The following SPINK13 variants were observed in gnomAD, a reference collection of about 807,000 sequenced individuals.
The protein encoded by SPINK13 is serine protease inhibitor Kazal-type 13.
In SPINK13, 11 loss-of-function variants were observed where a neutral mutation model predicts 11.0. That is an observed-to-expected ratio of 1.00 (90% CI 0.63 to 1.65). The LOEUF is 1.65. SPINK13 is among the 40% of genes most tolerant of loss of function. The pLI is 0.00. For missense variants in SPINK13, 113 were observed against 117.7 expected (o/e 0.96, Z 0.19); for synonymous variants, 31 against 35.6 (o/e 0.87, Z 0.46).
At chr5:148,279,795 T>C (rs1238676815) in intron 3 of SPINK13, among the ~76,000 whole-genome samples, 1 of 152,178 alleles carries the variant, frequency 6.6e-6, no homozygotes, top group Admixed American at 6.5e-5. Flanking sequence ...TTTGTGGTGT[T>C]CTCTGTTTAT....
intron 2 of SPINK13, 65 bp downstream of exon 2, chr5:148,270,207 G>T: frequency 6.5e-7 from 1 of 1,533,800 alleles, no homozygotes; most frequent in South Asian, 1.2e-5. Context: ...GAAAGAAAAC[G>T]AGTAATTTTT....
chr5:148,281,051 G>A (rs1756505544), intron 3 of SPINK13, among the ~76,000 whole-genome samples: 1 of 152,174 alleles, frequency 6.6e-6, no homozygotes, highest in South Asian at 2.1e-4. Context: ...GCTCCACCCA[G>A]TCGGAACTTC....
chr5:148,280,599 A>G (rs1756498145), intron 3 of SPINK13, among the ~76,000 whole-genome samples: 1 of 152,138 alleles, frequency 6.6e-6, no homozygotes, highest in African/African-American at 2.4e-5. Flanking sequence ...CTGTCTGGTT[A>G]TCACCAGTAG....
chr5:148,285,229 T>TA (rs1189163827), intron 4 of SPINK13, among the ~76,000 whole-genome samples: 3 of 152,242 alleles, frequency 2.0e-5, no homozygotes, highest in Admixed American at 2.0e-4. Flanking sequence ...ATCACTTACT[T>TA]ATATTACCCA....
At chr5:148,281,367 C>T (rs1248047271) in intron 3 of SPINK13, among the ~76,000 whole-genome samples, 1 of 152,140 alleles carries the variant, frequency 6.6e-6, no homozygotes, top group Non-Finnish European at 1.5e-5. Context: ...TCAGTGTCTG[C>T]CCAAATGGGC....
chr5:148,277,615 A>C (rs1445648077), intron 3 of SPINK13, among the ~76,000 whole-genome samples: 1 of 152,196 alleles, frequency 6.6e-6, no homozygotes, highest in Non-Finnish European at 1.5e-5. Context: ...GTTGCATCGC[A>C]AGGATGAAGC....
chr5:148,284,145 T>C, intron 4 of SPINK13, among the ~76,000 whole-genome samples: 1 of 114,450 alleles, frequency 8.7e-6, no homozygotes, highest in African/African-American at 8.7e-5. Context: ...CTTCATCAAT[T>C]CCTTCCTTCT....
intron 3 of SPINK13, among the ~76,000 whole-genome samples, chr5:148,276,009 A>G (rs1756422860): frequency 6.6e-6 from 1 of 152,174 alleles, no homozygotes; most frequent in Admixed American, 6.5e-5. Context: ...GTGAGATGGT[A>G]TCTCATTGTG....
chr5:148,275,792 C>T (rs909467871), intron 3 of SPINK13, among the ~76,000 whole-genome samples: 3 of 152,094 alleles, frequency 2.0e-5, no homozygotes, highest in Admixed American at 1.3e-4. Flanking sequence ...TCCCGAGTAG[C>T]TGGGACTACA....
At chr5:148,274,516 G>T in intron 3 of SPINK13, 132 bp downstream of exon 3, 1 of 671,494 alleles carries the variant, frequency 1.5e-6, no homozygotes, top group Non-Finnish European at 2.5e-6. Context: ...GGGAAGCTGA[G>T]GCAGGAGGAT....
chr5:148,279,819 G>C (rs1015355134), intron 3 of SPINK13, among the ~76,000 whole-genome samples: 1 of 152,180 alleles, frequency 6.6e-6, no homozygotes. Flanking sequence ...AAATTTGAAT[G>C]TTGGCCTGTC....
At chr5:148,277,167 A>C (rs187100013) in intron 3 of SPINK13, among the ~76,000 whole-genome samples, 4 of 152,296 alleles carry the variant, frequency 2.6e-5, no homozygotes, top group East Asian at 3.9e-4. Flanking sequence ...CAGCTTAAGG[A>C]ATTTTTGGGC....
chr5:148,284,047 G>A (rs528393603), intron 4 of SPINK13, among the ~76,000 whole-genome samples: 117 of 152,252 alleles, frequency 7.7e-4, no homozygotes, highest in African/African-American at 2.8e-3. Flanking sequence ...TCAGGCCTCA[G>A]ATCTCCTTGG....
rs774907487 is a variant in SPINK13, at chr5:148,282,223, T to C, written c.228T>C (p.Val76=). The C allele has an allele frequency of 8.7e-6, 14 of 1,614,086 alleles. No homozygotes were observed. Among genetic ancestry groups the C allele is most frequent in the Non-Finnish European group, 1.2e-5 (14 of 1,180,030 alleles). ...HTFQNECFFC[V]EQREFHYRIK... ...TCCAGAATGAGTGTTTCTTTTGTGT[T>C]GAACAGAGGTAAGTTCAGAATAAAA... Residue 76 remains valine (V), a synonymous_variant, in exon 4 of 5, where the codon GTT becomes GTC. Transcript: ENST00000398450.
chr5:148,282,281 A>G (rs1329881892), intron 4 of SPINK13, 50 bp downstream of exon 4: 1 of 1,601,778 alleles, frequency 6.2e-7, no homozygotes, highest in African/African-American at 1.3e-5. Context: ...TTCTTCACAG[A>G]AATTTCAAAG....
At chr5:148,284,124 TTCCTCTCTTCCTTCATCAATTCCTTCC>T (rs796110217) in intron 4 of SPINK13, among the ~76,000 whole-genome samples, 6,681 of 147,010 alleles carry the variant, frequency 0.045, 386 homozygotes, top group African/African-American at 0.13. Flanking sequence ...CTCCCTTTCC[TTCCTCTCTTCCTTCATCAATTCCTTCC>T]TTCTTTCCTT....
At chr5:148,271,619 A>C in intron 2 of SPINK13, among the ~76,000 whole-genome samples, 1 of 152,210 alleles carries the variant, frequency 6.6e-6, no homozygotes, top group East Asian at 1.9e-4. Context: ...TAACATTTAT[A>C]TAACTTGTCA....
chr5:148,282,344 A>T (rs904418715), intron 4 of SPINK13, 113 bp downstream of exon 4: 10 of 1,319,876 alleles, frequency 7.6e-6, no homozygotes, highest in Non-Finnish European at 9.3e-6. Context: ...TTAAAAAAAT[A>T]GCCTCATTAT....
At chr5:148,273,953 A>T (rs1056183414) in intron 2 of SPINK13, among the ~76,000 whole-genome samples, 7 of 152,336 alleles carry the variant, frequency 4.6e-5, no homozygotes, top group Admixed American at 4.6e-4. Flanking sequence ...TCTTGGTAGG[A>T]ACTGGCCTGA....
Sources: allele counts gnomAD v4.1 joint callset (sites outside exome capture counted in the v4.1 genomes callset), GRCh38; gene constraint gnomAD v4.1.1; transcripts MANE v1.5; gene names NCBI Gene and HGNC (gene_info 2026-07-23, HGNC 2026-07-21).